Variants in LRP11 observed in about 807,000 individuals in gnomAD.
LRP11 encodes LDL receptor related protein 11.
Under a neutral mutation model 43.1 loss-of-function variants are expected in LRP11, and 25 were observed. The observed-to-expected ratio is 0.58, with a 90% CI of 0.42 to 0.81. LRP11 has a LOEUF of 0.81. LRP11 is among the 30% of genes least tolerant of loss of function. LRP11 has a pLI of 0.00. For synonymous variants in LRP11, 316 were observed against 299.4 expected, an observed-to-expected ratio of 1.06 and a Z score of -0.57; for missense variants, 623 against 665.1, an observed-to-expected ratio of 0.94 and a Z score of 0.70.
intron 5 of LRP11, among the ~76,000 whole-genome samples, chr6:149,831,902 A>C (rs974316013): frequency 6.6e-6 from 1 of 152,240 alleles, no homozygotes; most frequent in East Asian, 1.9e-4. Context: ...GCCTTAAGCA[A>C]TCCACCTGCC....
intron 5 of LRP11, among the ~76,000 whole-genome samples, chr6:149,832,913 A>G (rs375155758): frequency 2.2e-4 from 34 of 152,154 alleles, no homozygotes; most frequent in African/African-American, 8.0e-4. Flanking sequence ...GGTTCACGCC[A>G]TTCTCCTGCC....
In LRP11 at chr6:149,855,711, TTA is replaced by T. The variant is rs570878007; in HGVS notation, c.614-2553_614-2552del. 6.4e-3 allele frequency among the ~76,000 whole-genome samples: 893 copies of T among 138,992 alleles called. 9 individuals carry two copies. Among genetic ancestry groups the T allele is most frequent in the African/African-American group, 0.026 (818 of 30,872 alleles). The allele number at this position is 138,992 out of a possible 152,430, so 91.2% of individuals were successfully genotyped here. A position where few individuals can be genotyped will look rare whatever the true frequency, so the allele number is the denominator to read the frequency against. ...AGGGAAGATGCCTTTTTTTTTTTTT[TTA>T]AAAAAAAAACACATTATGAGGAATT... On this transcript the variant is annotated intron_variant, in intron 1 of 6. Transcript: ENST00000239367.
chr6:149,852,834 A>G (rs1776741600), intron 2 of LRP11, 169 bp downstream of exon 2: 2 of 489,108 alleles, frequency 4.1e-6, no homozygotes, highest in African/African-American at 2.0e-5. Flanking sequence ...CTCTCAGCAG[A>G]AAAGCACATT....
intron 5 of LRP11, among the ~76,000 whole-genome samples, chr6:149,829,298 C>T (rs745356775): frequency 5.3e-5 from 8 of 152,160 alleles, no homozygotes; most frequent in Admixed American, 1.3e-4. Flanking sequence ...TGGTGGCTCA[C>T]GCCTGTAATC....
chr6:149,838,554 A>G (rs550704408), intron 3 of LRP11, among the ~76,000 whole-genome samples: 2,272 of 151,810 alleles, frequency 0.015, 26 homozygotes, highest in Non-Finnish European at 0.025. Flanking sequence ...GCTTGGTGGC[A>G]TGCACCTGTA....
chr6:149,820,570 G>T lies in LRP11; in HGVS notation c.1482C>A (p.Leu494=), dbSNP rs901977970. The T allele has an allele frequency of 3.8e-6, 3 of 780,832 alleles. No individual in the cohort carries two copies. The Admixed American group carries it at 5.1e-5, about 13-fold the overall frequency. 48.4% of individuals were successfully genotyped at this position (780,832 alleles called of 1,614,324 possible). ...RPITSEESDY[L]INGMYL is the part of the protein sequence containing the mutation. The stretch of plus-strand genomic sequence containing the variant: ...ATTACTATAGATACATCCCATTTAT[G>T]AGGTAGTCCGATTCCTCAGATGTAA... Residue 494 remains leucine, a synonymous_variant, in exon 7 of 7, where the codon CTC becomes CTA. Coordinates refer to ENST00000239367, the MANE Select transcript of LRP11 (RefSeq NM_032832.6).
At chr6:149,848,647 C>T (rs943947775) in intron 2 of LRP11, among the ~76,000 whole-genome samples, 2 of 152,038 alleles carry the variant, frequency 1.3e-5, no homozygotes, top group African/African-American at 4.8e-5. Context: ...CCAAATACCA[C>T]ATGTTCTCAC....
chr6:149,852,744 G>A (rs1385961259), intron 2 of LRP11, among the ~76,000 whole-genome samples: 1 of 152,210 alleles, frequency 6.6e-6, no homozygotes, highest in Non-Finnish European at 1.5e-5. Flanking sequence ...TCCTTGAAGT[G>A]TCTTTGTCCT....
In LRP11 at chr6:149,864,234, G is replaced by A. The variant is rs919591016; in HGVS notation, c.-214C>T. 18 of 1,097,670 alleles carry A rather than the reference G, an allele frequency of 1.6e-5. No homozygotes were observed. Among genetic ancestry groups the A allele is most frequent in the South Asian group, 1.3e-4 (3 of 22,328 alleles). 68.0% of individuals were successfully genotyped at this position (1,097,670 alleles called of 1,614,324 possible). A position where few individuals can be genotyped will look rare whatever the true frequency, so the allele number is the denominator to read the frequency against. On this transcript the variant is annotated 5_prime_UTR_variant, in exon 1 of 7. Transcript: ENST00000239367. Reference sequence around the variant, plus strand: ...AGCGGGAGACATAGCCGGCCCAGCCGGGCACCGCTCCTTGCCCTCGCCGGA... The same window carrying A: ...AGCGGGAGACATAGCCGGCCCAGCCAGGCACCGCTCCTTGCCCTCGCCGGA...
At chr6:149,823,161 C>T (rs1252868632) in intron 6 of LRP11, among the ~76,000 whole-genome samples, 1 of 152,084 alleles carries the variant, frequency 6.6e-6, no homozygotes, top group South Asian at 2.1e-4. Flanking sequence ...AGGAAAGAGA[C>T]GTCCAAGAAG....
chr6:149,856,899 G>A (rs900885274), intron 1 of LRP11, among the ~76,000 whole-genome samples: 1 of 152,156 alleles, frequency 6.6e-6, no homozygotes, highest in African/African-American at 2.4e-5. Flanking sequence ...GGCGAGACTA[G>A]GGGAAGAGGC....
intron 1 of LRP11, among the ~76,000 whole-genome samples, chr6:149,858,964 T>G (rs1404509142): frequency 6.6e-6 from 1 of 152,222 alleles, no homozygotes; most frequent in Non-Finnish European, 1.5e-5. Flanking sequence ...AGTACCAATT[T>G]ACACCATCAG....
chr6:149,859,264 A>G (rs1030152568), intron 1 of LRP11, among the ~76,000 whole-genome samples: 1 of 151,052 alleles, frequency 6.6e-6, no homozygotes, highest in African/African-American at 2.4e-5. Context: ...CCTTATTTAC[A>G]TTTCTTTGAT....
At chr6:149,831,126 T>C (rs1426244285) in intron 5 of LRP11, among the ~76,000 whole-genome samples, 2 of 152,216 alleles carry the variant, frequency 1.3e-5, no homozygotes, top group Non-Finnish European at 2.9e-5. Flanking sequence ...GAGTTACATG[T>C]CTTAGGAGAC....
chr6:149,826,129 G>A lies in LRP11; in HGVS notation c.1348+135C>T, dbSNP rs990923563. The A allele has an allele frequency of 5.4e-5, 41 of 760,620 alleles. No homozygotes were observed. In the African/African-American group the frequency reaches 6.7e-4, roughly 12 times the overall value. The allele number at this position is 760,620 out of a possible 1,614,324, so 47.1% of individuals were successfully genotyped here. A position where few individuals can be genotyped will look rare whatever the true frequency, so the allele number is the denominator to read the frequency against. ...GACGCAGTGCAATACAAGCAACGAG[G>A]AGACAGTTCTTTCGGTCCACTGACG... On this transcript the variant is annotated intron_variant, in intron 6 of 6. Transcript: ENST00000239367.
At chr6:149,848,026 G>A (rs992741949) in intron 2 of LRP11, among the ~76,000 whole-genome samples, 13 of 152,088 alleles carry the variant, frequency 8.5e-5, no homozygotes, top group African/African-American at 2.7e-4. Flanking sequence ...GCTTCCTTAC[G>A]TGTGGTTTTC....
chr6:149,832,114 T>C (rs1002050367), intron 5 of LRP11, among the ~76,000 whole-genome samples: 7 of 152,160 alleles, frequency 4.6e-5, no homozygotes, highest in African/African-American at 1.7e-4. Flanking sequence ...GGTGAAAAAC[T>C]ACATCTCACT....
In LRP11 at chr6:149,864,007, G is replaced by T. The variant is rs1776992443; in HGVS notation, c.14C>A (p.Ala5Asp). MASV[A>D]QESAGSQRRL... ...GCGCTGCGAGCCCGCGCTCTCCTGG[G>T]CGACGGAGGCCATGGCGACGAGAGC... is the stretch of plus-strand genomic sequence containing the variant. The change falls in exon 1 of 7, where the codon GCC becomes GAC. Residue 5 changes from alanine (A) to aspartate (D), a missense_variant. Coordinates refer to ENST00000239367, the MANE Select transcript of LRP11 (RefSeq NM_032832.6). The T allele has an allele frequency of 5.2e-6, 7 of 1,352,984 alleles. No individual in the cohort carries two copies. Among genetic ancestry groups the T allele is most frequent in the South Asian group, 1.8e-5 (1 of 54,226 alleles). 83.8% of individuals were successfully genotyped at this position (1,352,984 alleles called of 1,614,324 possible). A position where few individuals can be genotyped will look rare whatever the true frequency, so the allele number is the denominator to read the frequency against.
intron 1 of LRP11, among the ~76,000 whole-genome samples, chr6:149,862,086 C>T (rs547998506): frequency 9.8e-4 from 149 of 152,306 alleles, no homozygotes; most frequent in African/African-American, 3.4e-3. Flanking sequence ...GAAAGTGCTG[C>T]CTGCCTCCAC....
Sources: allele counts gnomAD v4.1 joint callset (sites outside exome capture counted in the v4.1 genomes callset), GRCh38; gene constraint gnomAD v4.1.1; transcripts MANE v1.5; gene names NCBI Gene and HGNC (gene_info 2026-07-23, HGNC 2026-07-21).